KHDRBS2: variants seen among roughly 807,000 people sequenced by gnomAD.
KHDRBS2 encodes the protein KH RNA binding domain containing, signal transduction associated 2.
Under a neutral mutation model 44.3 loss-of-function variants are expected in KHDRBS2, and 26 were observed. The ratio of observed to expected loss-of-function variants is 0.59; its 90% CI spans 0.43 to 0.81. The LOEUF (loss-of-function observed/expected upper bound fraction) is 0.81, where lower values mean the gene tolerates loss of function less well. Among genes scored for constraint, KHDRBS2 ranks in the 40% least tolerant of loss-of-function variants. The pLI is 0.00. For synonymous variants in KHDRBS2, 194 were observed against 151.1 expected (o/e 1.28, Z -2.08); for missense variants, 476 against 433.1 (o/e 1.10, Z -0.88).
At chr6:61,933,107 GC>G (rs1562467074) in intron 4 of KHDRBS2, among the ~76,000 whole-genome samples, 2 of 152,128 alleles carry the variant, frequency 1.3e-5, no homozygotes, top group Non-Finnish European at 2.9e-5. Context: ...GGGTGGGGAG[GC>G]CTCAGGAAAT....
chr6:61,788,410 T>C (rs75772610), intron 6 of KHDRBS2, among the ~76,000 whole-genome samples: 4,601 of 151,524 alleles, frequency 0.03, 240 homozygotes, highest in African/African-American at 0.11. Flanking sequence ...AGAATAGGTT[T>C]TCTTCCAGCT....
chr6:62,024,623 A>T (rs1001991833), intron 3 of KHDRBS2, among the ~76,000 whole-genome samples: 3 of 151,634 alleles, frequency 2.0e-5, no homozygotes, highest in African/African-American at 7.2e-5. Context: ...AGAGATCATT[A>T]ATCTTTTATG....
intron 2 of KHDRBS2, among the ~76,000 whole-genome samples, chr6:62,089,745 T>C (rs1799142123): frequency 6.6e-6 from 1 of 152,204 alleles, no homozygotes; most frequent in Non-Finnish European, 1.5e-5. Context: ...TGTCTTATAA[T>C]TATTCATTAA....
intron 6 of KHDRBS2, among the ~76,000 whole-genome samples, chr6:61,763,619 G>A (rs888357719): frequency 1.8e-4 from 28 of 152,032 alleles, no homozygotes; most frequent in Admixed American, 1.4e-3. Flanking sequence ...ACCTTTACAG[G>A]TATCATATTT....
chr6:61,637,977 G>A, the KHDRBS2 span, among the ~76,000 whole-genome samples: 5 of 151,966 alleles, frequency 3.3e-5, no homozygotes, highest in South Asian at 4.1e-4. Flanking sequence ...CTCCCATTTT[G>A]TAGGTTGCCT....
At chr6:61,544,074 T>C in the KHDRBS2 span, among the ~76,000 whole-genome samples, 1 of 152,042 alleles carries the variant, frequency 6.6e-6, no homozygotes, top group African/African-American at 2.4e-5. Flanking sequence ...TCAATAACAA[T>C]TCAAGTGTAC....
At chr6:62,142,439 G>T (rs1232363207) in intron 2 of KHDRBS2, among the ~76,000 whole-genome samples, 1 of 152,038 alleles carries the variant, frequency 6.6e-6, no homozygotes, top group Admixed American at 6.6e-5. Flanking sequence ...ACCTTTAGGT[G>T]TCATCCATAA....
At chr6:61,782,626 C>T (rs1158340560) in intron 6 of KHDRBS2, among the ~76,000 whole-genome samples, 4 of 143,588 alleles carry the variant, frequency 2.8e-5, no homozygotes, top group Non-Finnish European at 3.0e-5. Context: ...TAGCAAAGAC[C>T]GTAAAATTTT....
chr6:61,673,731 C>T, the KHDRBS2 span, among the ~76,000 whole-genome samples: 1 of 140,278 alleles, frequency 7.1e-6, no homozygotes, highest in Non-Finnish European at 1.5e-5. Context: ...CGTGAAGGAC[C>T]TCTTCAAGGA....
chr6:62,013,682 T>C (rs1045989134), intron 3 of KHDRBS2, among the ~76,000 whole-genome samples: 1 of 152,190 alleles, frequency 6.6e-6, no homozygotes, highest in African/African-American at 2.4e-5. Flanking sequence ...GGAAACGCTA[T>C]GTTAGCCATG....
intron 2 of KHDRBS2, among the ~76,000 whole-genome samples, chr6:62,153,359 C>A (rs1178561347): frequency 6.6e-6 from 1 of 152,018 alleles, no homozygotes; most frequent in East Asian, 1.9e-4. Flanking sequence ...AAAATGAGTA[C>A]AGAATCAAAT....
At chr6:61,701,772 C>A (rs1166754766) in intron 7 of KHDRBS2, among the ~76,000 whole-genome samples, 1 of 151,944 alleles carries the variant, frequency 6.6e-6, no homozygotes, top group African/African-American at 2.4e-5. Context: ...ACTGTTATTG[C>A]CCACTGAGTC....
At chr6:61,917,505 T>C (rs1235702472) in intron 4 of KHDRBS2, among the ~76,000 whole-genome samples, 2 of 151,882 alleles carry the variant, frequency 1.3e-5, no homozygotes, top group Non-Finnish European at 2.9e-5. Flanking sequence ...ATGGAATGAA[T>C]AGGTGGAGCA....
chr6:62,192,783 G>A (rs182581862), intron 1 of KHDRBS2, among the ~76,000 whole-genome samples: 34 of 152,222 alleles, frequency 2.2e-4, no homozygotes, highest in African/African-American at 7.0e-4. Flanking sequence ...GTTATAGAGA[G>A]CATCTTACTG....
chr6:61,723,161 A>C (rs1240368162), intron 7 of KHDRBS2, among the ~76,000 whole-genome samples: 1 of 151,168 alleles, frequency 6.6e-6, no homozygotes, highest in Non-Finnish European at 1.5e-5. Flanking sequence ...CATAAAAAAC[A>C]AACAAACAAA....
intron 6 of KHDRBS2, among the ~76,000 whole-genome samples, chr6:61,755,440 A>C (rs1423418393): frequency 6.6e-6 from 1 of 152,140 alleles, no homozygotes; most frequent in African/African-American, 2.4e-5. Context: ...CAGAAAAACA[A>C]AGCTTATCAG....
chr6:62,193,635 G>A (rs1585140781), intron 1 of KHDRBS2, among the ~76,000 whole-genome samples: 1 of 152,090 alleles, frequency 6.6e-6, no homozygotes, highest in East Asian at 1.9e-4. Flanking sequence ...CCTGCAGGTG[G>A]ACATTTTGAA....
chr6:61,645,535 A>C, the KHDRBS2 span, among the ~76,000 whole-genome samples: 1 of 144,174 alleles, frequency 6.9e-6, no homozygotes, highest in Non-Finnish European at 1.6e-5. Flanking sequence ...AAAAAAAAAA[A>C]GGTATTTGAG....
chr6:61,672,623 T>G, the KHDRBS2 span, among the ~76,000 whole-genome samples: 13 of 152,096 alleles, frequency 8.5e-5, no homozygotes, highest in African/African-American at 3.1e-4. Flanking sequence ...TTCATGTGTC[T>G]TTTGGCTGCA....
Sources: gnomAD v4.1 joint callset for allele counts (sites outside exome capture counted in the v4.1 genomes callset) on GRCh38, gnomAD v4.1.1 for gene constraint, MANE v1.5 for transcripts, NCBI Gene and HGNC (gene_info 2026-07-23, HGNC 2026-07-21) for gene names.